ATP2A3: variants seen among roughly 807,000 people sequenced by gnomAD.
ATP2A3 encodes ATPase sarcoplasmic/endoplasmic reticulum Ca2+ transporting 3.
Under a neutral mutation model 106.8 loss-of-function variants are expected in ATP2A3, and 61 were observed. The ratio of observed to expected loss-of-function variants is 0.57; its 90% CI spans 0.46 to 0.71. ATP2A3 has a LOEUF of 0.71. Among genes scored for constraint, ATP2A3 ranks in the 30% least tolerant of loss-of-function variants. The pLI is 0.00. For synonymous variants in ATP2A3, 611 were observed against 609.3 expected (o/e 1.00, Z -0.04); for missense variants, 1,201 against 1,423.5 (o/e 0.84, Z 2.52).
rs757202004 is a variant in ATP2A3 at position 3,941,028 on chromosome 17, G to T, written c.2043C>A (p.Pro681=). ...TCTCCACGATGCGGGACTTGTGTGC[G>T]GGCTCCACGCGGGCGAAGCAGCGGG... is the stretch of plus-strand genomic sequence containing the variant. ...RTARCFARVE[P]AHKSRIVENL... is the part of the protein sequence containing the mutation. The change falls in exon 14 of 21, where the codon CCC becomes CCA. Residue 681 remains proline (P), a synonymous_variant. Transcript: ENST00000397041. 1.2e-6 allele frequency: 2 copies of T among 1,613,920 alleles called. No individual in the cohort carries two copies. The highest frequency in any genetic ancestry group is 2.2e-5 in the South Asian group (2 of 91,090).
chr17:3,954,274 G>A (rs755975802), intron 1 of ATP2A3, among the ~76,000 whole-genome samples: 1 of 151,992 alleles, frequency 6.6e-6, no homozygotes, highest in Non-Finnish European at 1.5e-5. Flanking sequence ...GGGCCGGCCT[G>A]CTGGGCCCCA....
chr17:3,958,817 T>TACACAC lies in ATP2A3; in HGVS notation c.119-5113_119-5108dup, dbSNP rs1567726687. Among the ~76,000 whole-genome samples, 102 of 79,388 alleles carry TACACAC rather than the reference T, an allele frequency of 1.3e-3. 3 individuals are homozygous for TACACAC. The highest frequency in any genetic ancestry group is 7.5e-3 in the African/African-American group (97 of 12,868). The allele number at this position is 79,388 out of a possible 152,430, so 52.1% of individuals were successfully genotyped here. A position where few individuals can be genotyped will look rare whatever the true frequency, so the allele number is the denominator to read the frequency against. ...ACATATATATACACACATATATATA[T>TACACAC]ACACACATATATATACACACACACA... On this transcript the variant is annotated intron_variant, in intron 1 of 20. Transcript: ENST00000397041.
At chr17:3,951,546 G>GCGCCCCCCC in intron 4 of ATP2A3, 35 bp downstream of exon 4, 1 of 1,319,570 alleles carries the variant, frequency 7.6e-7, no homozygotes, top group Non-Finnish European at 1.0e-6. Context: ...CTGGGAGACC[G>GCGCCCCCCC]CCCCCCGCCC....
chr17:3,964,174 C>T lies in ATP2A3; in HGVS notation c.118G>A (p.Glu40Lys). The change falls in exon 1 of 21, where the codon GAG (glutamate) becomes AAG (lysine). Residue 40 changes from glutamate (E) to lysine (K), a missense_variant and splice_region_variant. By Grantham distance (56) the Glu-to-Lys change is moderately conservative. Around this residue, in one of 2 missense-constraint regions of ATP2A3, gnomAD observed 266 missense variants for 246.8 expected, o/e 1.08. Coordinates refer to ENST00000397041, the MANE Select transcript of ATP2A3 (RefSeq NM_005173.4). The stretch of plus-strand genomic sequence containing the variant: ...GGCCCGGCCCGGCCCGCGCGCTCAC[C>T]GTTGGGGCCGTAGCGCTCCCGCGCG... ...TGARERYGPN[E>K]LPSEEGKSLW... 4 of 1,216,046 alleles carry T rather than the reference C, an allele frequency of 3.3e-6. No individual in the cohort carries two copies. The highest frequency in any genetic ancestry group is 4.1e-6 in the Non-Finnish European group (4 of 969,022). The allele number at this position is 1,216,046 out of a possible 1,614,324, so 75.3% of individuals were successfully genotyped here. A position where few individuals can be genotyped will look rare whatever the true frequency, so the allele number is the denominator to read the frequency against.
rs1472381681 is a variant in ATP2A3 at position 3,925,486 on chromosome 17, C to T, written c.2981-45G>A. On this transcript the variant is annotated intron_variant, in intron 20 of 20. Coordinates refer to ENST00000397041, the MANE Select transcript of ATP2A3 (RefSeq NM_005173.4). The surrounding 1 kb of genome is among the most constrained non-coding windows in gnomAD (Gnocchi z 4.2). ...GCGCGTTAAGATGTATGTGTAAGGG[C>T]ACACATCCAGACAGCTTCCTTCCAG... 1 of 1,594,480 alleles carries T rather than the reference C, an allele frequency of 6.3e-7. No homozygotes were observed. Among genetic ancestry groups the T allele is most frequent in the Admixed American group, 1.8e-5 (1 of 56,880 alleles).
At position 3,926,848 on chromosome 17, in the gene ATP2A3, T is replaced by C. The variant is rs937755468; in HGVS notation, c.2981-1407A>G. ...CCTCCCAAAGTGCTGGGATGACAGGTGTGAGCCACTGCACCCGGCCCGTTA... is the reference window on the plus strand; with the variant it reads ...CCTCCCAAAGTGCTGGGATGACAGGCGTGAGCCACTGCACCCGGCCCGTTA... On this transcript the variant is annotated intron_variant, in intron 20 of 20. Coordinates refer to ENST00000397041, the MANE Select transcript of ATP2A3 (RefSeq NM_005173.4). This position sits in a 1 kb window ranked among gnomAD's most constrained non-coding sequence, Gnocchi z 4.6. The C allele has an allele frequency of 1.0e-6, 1 of 985,262 alleles. No individual in the cohort carries two copies. Among genetic ancestry groups the C allele is most frequent in the East Asian group, 1.1e-4 (1 of 8,804 alleles). 61.0% of individuals were successfully genotyped at this position (985,262 alleles called of 1,614,324 possible). A position where few individuals can be genotyped will look rare whatever the true frequency, so the allele number is the denominator to read the frequency against.
In ATP2A3 at chr17:3,964,399, G is replaced by T; in HGVS notation, c.-108C>A. Reference sequence around the variant, plus strand: ...TCGGGCCCGGGCGGGCGCCGCGCGAGGCCATGTCCGTGCTGGGACCTTACC... The same window carrying T: ...TCGGGCCCGGGCGGGCGCCGCGCGATGCCATGTCCGTGCTGGGACCTTACC... On this transcript the variant is annotated 5_prime_UTR_variant, in exon 1 of 21. Transcript: ENST00000397041. 1 of 518,824 alleles carries T rather than the reference G, an allele frequency of 1.9e-6. No individual in the cohort carries two copies. Among genetic ancestry groups the T allele is most frequent in the Non-Finnish European group, 2.6e-6 (1 of 388,428 alleles). 32.1% of individuals were successfully genotyped at this position (518,824 alleles called of 1,614,324 possible).
rs948216306 is a variant in ATP2A3, at chr17:3,928,257, C to G, written c.2980+406G>C. The G allele has an allele frequency of 6.2e-7, 1 of 1,613,582 alleles. No individual in the cohort carries two copies. ...AGGCCAACCCGGTGTGGTCTGGGGT[C>G]CAAGAGGTGGTCAGCGGCTGCCTAC... On this transcript the variant is annotated intron_variant, in intron 20 of 20. Coordinates refer to ENST00000397041, the MANE Select transcript of ATP2A3 (RefSeq NM_005173.4). The surrounding 1 kb of genome is among the most constrained non-coding windows in gnomAD (Gnocchi z 6.1).
At chr17:3,949,464 A>G (rs943912419) in intron 7 of ATP2A3, among the ~76,000 whole-genome samples, 5 of 152,166 alleles carry the variant, frequency 3.3e-5, no homozygotes, top group Non-Finnish European at 7.4e-5. Context: ...ATCCCCCACC[A>G]TCCTCCACCA....
rs1432808984 is a variant in ATP2A3, at chr17:3,925,448, G to A, written c.2981-7C>T. ...CACTTCTGGCTCATTTCTTCTGGAA[G>A]AAAAACCCAAGAGCGCGTTAAGATG... On this transcript the variant is annotated splice_polypyrimidine_tract_variant and splice_region_variant and intron_variant, in intron 20 of 20. Transcript: ENST00000397041. The surrounding 1 kb of genome is among the most constrained non-coding windows in gnomAD (Gnocchi z 4.2). 1.2e-6 allele frequency: 2 copies of A among 1,613,182 alleles called. No homozygotes were observed. Among genetic ancestry groups the A allele is most frequent in the Non-Finnish European group, 1.7e-6 (2 of 1,179,758 alleles).
At position 3,929,263 on chromosome 17, in the gene ATP2A3, C is replaced by T; in HGVS notation, c.2862+65G>A. ...CCATTGCAGGGGGGCCAGAGAGGTC[C>T]AGTGACCAGCCCAGGGCCTGTGATG... is the stretch of plus-strand genomic sequence containing the variant. On this transcript the variant is annotated intron_variant, in intron 19 of 20. Coordinates refer to ENST00000397041, the MANE Select transcript of ATP2A3 (RefSeq NM_005173.4). The surrounding 1 kb of genome is among the most constrained non-coding windows in gnomAD (Gnocchi z 4.3). The T allele has an allele frequency of 2.1e-6, 3 of 1,423,270 alleles. No homozygotes were observed. In the South Asian group the frequency reaches 3.7e-5, roughly 18 times the overall value. 88.2% of individuals were successfully genotyped at this position (1,423,270 alleles called of 1,614,324 possible).
chr17:3,944,932 G>A, intron 9 of ATP2A3, 126 bp from the exon 10 acceptor site: 1 of 1,326,506 alleles, frequency 7.5e-7, no homozygotes, highest in Non-Finnish European at 1.0e-6. Flanking sequence ...TCCGCCTCCT[G>A]GCCCCGCCCC....
chr17:3,961,050 A>T (rs2055109867), intron 1 of ATP2A3, among the ~76,000 whole-genome samples: 1 of 152,162 alleles, frequency 6.6e-6, no homozygotes, highest in Non-Finnish European at 1.5e-5. Context: ...TCCAAGAATG[A>T]CTGTCAAGGT....
At chr17:3,935,332 T>C (rs2074991) in intron 16 of ATP2A3, 55 bp from the exon 17 acceptor site, 194,914 of 1,512,930 alleles carry the variant, frequency 0.13, 17,328 homozygotes, top group East Asian at 0.52. Context: ...TTCTGGCGTC[T>C]GTTTCCCCTG....
In ATP2A3 at chr17:3,940,957, G is replaced by A. The variant is rs1415862900; in HGVS notation, c.2100+14C>T. 6.2e-7 allele frequency: 1 copy of A among 1,613,548 alleles called. No individual in the cohort carries two copies. Among genetic ancestry groups the A allele is most frequent in the African/African-American group, 1.3e-5 (1 of 74,930 alleles). On this transcript the variant is annotated intron_variant, in intron 14 of 20. Transcript: ENST00000397041. ...CTCATCACCCCCTCCTGGGGCTCCA[G>A]GCTGTGGCCTCACCATAGCAGTGAT...
chr17:3,945,403 C>T (rs2054058451), intron 8 of ATP2A3: 1 of 409,106 alleles, frequency 2.4e-6, no homozygotes, highest in Non-Finnish European at 4.5e-6. Flanking sequence ...GCAGATTCTT[C>T]AGTGCTCTGG....
At chr17:3,957,376 C>A (rs1296876053) in intron 1 of ATP2A3, among the ~76,000 whole-genome samples, 1 of 152,204 alleles carries the variant, frequency 6.6e-6, no homozygotes, top group East Asian at 1.9e-4. Flanking sequence ...GTCCTGCCTT[C>A]CCTCCTCCAC....
chr17:3,928,173 C>T lies in ATP2A3; in HGVS notation c.2980+490G>A. 6.2e-7 allele frequency: 1 copy of T among 1,605,968 alleles called. No homozygotes were observed. The highest frequency in any genetic ancestry group is 8.5e-7 in the Non-Finnish European group (1 of 1,172,884). On this transcript the variant is annotated intron_variant, in intron 20 of 20. Transcript: ENST00000397041. The surrounding 1 kb of genome is among the most constrained non-coding windows in gnomAD (Gnocchi z 6.1). Reference sequence around the variant, plus strand: ...CTCCACTCCGGGGTTAAGGCAGACCCAGAGCTGTGAGCTCAGAAACAACCC... The same window carrying T: ...CTCCACTCCGGGGTTAAGGCAGACCTAGAGCTGTGAGCTCAGAAACAACCC...
At chr17:3,963,536 G>A (rs2055255355) in intron 1 of ATP2A3, among the ~76,000 whole-genome samples, 1 of 152,214 alleles carries the variant, frequency 6.6e-6, no homozygotes, top group South Asian at 2.1e-4. Flanking sequence ...GATGGGAAAG[G>A]CCTCCCTGGC....
Sources: gnomAD v4.1 joint callset for allele counts (sites outside exome capture counted in the v4.1 genomes callset) on GRCh38, gnomAD v4.1.1 for gene constraint, gnomAD v4.1.1 regional missense constraint, Gnocchi (gnomAD v3.1) non-coding constraint, MANE v1.5 for transcripts, NCBI Gene and HGNC (gene_info 2026-07-23, HGNC 2026-07-21) for gene names.